Variants in TNS3 observed in about 807,000 individuals in gnomAD.
TNS3 encodes the protein tensin-3.
In TNS3, 45 loss-of-function variants were observed where a neutral mutation model predicts 140.9. The observed-to-expected ratio is 0.32, with a 90% CI of 0.25 to 0.41. The LOEUF is 0.41. Among genes scored for constraint, TNS3 ranks in the 10% least tolerant of loss-of-function variants. TNS3 has a pLI of 1.00. For synonymous variants in TNS3, 815 were observed against 788.4 expected (o/e 1.03, Z -0.56); for missense variants, 1,716 against 1,906.7 (o/e 0.90, Z 1.86).
At chr7:47,367,275 C>T (rs749352798) in intron 17 of TNS3, among the ~76,000 whole-genome samples, 19 of 152,216 alleles carry the variant, frequency 1.2e-4, no homozygotes, top group Non-Finnish European at 2.8e-4. Context: ...TGAGACAACC[C>T]TGCTCCGTCC....
At chr7:47,311,443 CATAT>C (rs201243329) in intron 20 of TNS3, among the ~76,000 whole-genome samples, 15 of 131,666 alleles carry the variant, frequency 1.1e-4, no homozygotes, top group Admixed American at 8.3e-4. Context: ...TGTGTGTATA[CATAT>C]ATATATAGAG....
intron 16 of TNS3, among the ~76,000 whole-genome samples, chr7:47,377,078 G>C (rs1180920264): frequency 6.6e-6 from 1 of 152,148 alleles, no homozygotes; most frequent in African/African-American, 2.4e-5. Flanking sequence ...AGCTTCTCCA[G>C]ACACAGCCAG....
At chr7:47,388,952 A>G (rs1341902151) in intron 16 of TNS3, among the ~76,000 whole-genome samples, 2 of 145,340 alleles carry the variant, frequency 1.4e-5, no homozygotes, top group Admixed American at 1.4e-4. Context: ...GGAGAAGCAG[A>G]AACAGAAGAA....
At chr7:47,380,538 C>T (rs1379362316) in intron 16 of TNS3, among the ~76,000 whole-genome samples, 2 of 152,200 alleles carry the variant, frequency 1.3e-5, no homozygotes, top group Non-Finnish European at 2.9e-5. Context: ...AAGTCCTGAG[C>T]GACATTCCTT....
At chr7:47,554,052 A>C (rs1368895602) in intron 1 of TNS3, among the ~76,000 whole-genome samples, 1 of 148,490 alleles carries the variant, frequency 6.7e-6, no homozygotes, top group Non-Finnish European at 1.5e-5. Context: ...TGATCCGCCC[A>C]CCTCGGCCTC....
At chr7:47,446,117 G>C (rs1214836091) in intron 4 of TNS3, among the ~76,000 whole-genome samples, 1 of 151,906 alleles carries the variant, frequency 6.6e-6, no homozygotes, top group South Asian at 2.1e-4. Context: ...TTTTTCTTTT[G>C]TTTTGTTTTG....
chr7:47,495,185 C>T (rs1363582074), intron 3 of TNS3, among the ~76,000 whole-genome samples: 4 of 106,042 alleles, frequency 3.8e-5, no homozygotes, highest in African/African-American at 1.4e-4. Context: ...AGCCAGACTC[C>T]GTCTCAAAAA....
intron 17 of TNS3, among the ~76,000 whole-genome samples, chr7:47,359,158 G>A (rs192139391): frequency 4.4e-4 from 67 of 152,292 alleles, no homozygotes; most frequent in Admixed American, 4.0e-3. Flanking sequence ...CATCGAGAGA[G>A]GAATGAATAA....
At chr7:47,502,669 C>G (rs1270594783) in intron 3 of TNS3, among the ~76,000 whole-genome samples, 1 of 152,212 alleles carries the variant, frequency 6.6e-6, no homozygotes, top group African/African-American at 2.4e-5. Flanking sequence ...ACAAAGTTCT[C>G]TCTCCCTCAA....
In TNS3 at chr7:47,293,808, G is replaced by T; in HGVS notation, c.3697C>A (p.Leu1233Ile). The T allele has an allele frequency of 1.2e-6, 2 of 1,614,196 alleles. No individual in the cohort carries two copies. Among genetic ancestry groups the T allele is most frequent in the Non-Finnish European group, 8.5e-7 (1 of 1,180,036 alleles). Reference protein sequence around the residue: ...NKKAGDLANELVRHFLIECTP... With the variant: ...NKKAGDLANEIVRHFLIECTP... ...CACTCGATCAAAAAGTGCCGGACGAGTTCATTGGCCAAATCTCCAGCTGTG... is the reference window on the plus strand; with the variant it reads ...CACTCGATCAAAAAGTGCCGGACGATTTCATTGGCCAAATCTCCAGCTGTG... The change falls in exon 25 of 31, where the codon CTC (leucine) becomes ATC (isoleucine). Residue 1233 changes from leucine to isoleucine, a missense_variant. Coordinates refer to ENST00000311160, the MANE Select transcript of TNS3 (RefSeq NM_022748.12).
At chr7:47,563,837 T>C (rs1466137509) in intron 1 of TNS3, among the ~76,000 whole-genome samples, 1 of 152,246 alleles carries the variant, frequency 6.6e-6, no homozygotes, top group Non-Finnish European at 1.5e-5. Flanking sequence ...GGCTAGGCCA[T>C]GGTATCCAAT....
intron 4 of TNS3, among the ~76,000 whole-genome samples, chr7:47,471,701 T>A (rs1184013851): frequency 6.6e-6 from 1 of 152,220 alleles, no homozygotes; most frequent in East Asian, 1.9e-4. Context: ...TGCGGCAGTT[T>A]GGAGAAGGGG....
chr7:47,411,149 C>T (rs538513318), intron 13 of TNS3, among the ~76,000 whole-genome samples: 23 of 152,024 alleles, frequency 1.5e-4, no homozygotes, highest in Admixed American at 4.6e-4. Context: ...AGTGAGTGGC[C>T]GAGTTAGGAC....
chr7:47,547,140 T>C (rs1334260371), intron 1 of TNS3, among the ~76,000 whole-genome samples: 2 of 151,990 alleles, frequency 1.3e-5, no homozygotes, highest in Non-Finnish European at 2.9e-5. Flanking sequence ...AAGGAGGCAG[T>C]GGACCCTCCA....
chr7:47,443,950 T>C (rs1467896956), intron 4 of TNS3, among the ~76,000 whole-genome samples: 1 of 152,066 alleles, frequency 6.6e-6, no homozygotes, highest in Admixed American at 6.6e-5. Context: ...AAAAAGTATT[T>C]AGAATACAAT....
chr7:47,326,924 G>C (rs1020716155), intron 20 of TNS3, among the ~76,000 whole-genome samples: 5 of 152,174 alleles, frequency 3.3e-5, no homozygotes, highest in African/African-American at 7.2e-5. Flanking sequence ...TGCAGTGCTC[G>C]TTTCACAATA....
At chr7:47,283,318 C>A (rs1002292180) in intron 28 of TNS3, among the ~76,000 whole-genome samples, 4 of 152,184 alleles carry the variant, frequency 2.6e-5, no homozygotes, top group African/African-American at 9.7e-5. Context: ...AAGGAAATGA[C>A]CCTCTGTTAA....
At chr7:47,352,078 C>T (rs1789708005) in intron 17 of TNS3, among the ~76,000 whole-genome samples, 1 of 142,690 alleles carries the variant, frequency 7.0e-6, no homozygotes, top group Non-Finnish European at 1.5e-5. Context: ...CACACTCTTA[C>T]ACCCACGTCA....
At chr7:47,330,988 A>G (rs1009434108) in intron 20 of TNS3, among the ~76,000 whole-genome samples, 3 of 152,140 alleles carry the variant, frequency 2.0e-5, no homozygotes, top group African/African-American at 7.2e-5. Context: ...TGTGCACACA[A>G]TAAGAGGAAC....
Sources: gnomAD v4.1 joint callset for allele counts (sites outside exome capture counted in the v4.1 genomes callset) on GRCh38, gnomAD v4.1.1 for gene constraint, MANE v1.5 for transcripts, NCBI Gene and HGNC (gene_info 2026-07-23, HGNC 2026-07-21) for gene names.